Variants in GALNTL6 observed in about 807,000 individuals in gnomAD.
GALNTL6 encodes the protein polypeptide N-acetylgalactosaminyltransferase like 6.
In GALNTL6, 46 loss-of-function variants were observed where a neutral mutation model predicts 73.7. That is an observed-to-expected ratio of 0.62 (90% CI 0.49 to 0.80). The LOEUF (loss-of-function observed/expected upper bound fraction) is 0.80. Ranked by LOEUF, GALNTL6 falls within the 30% of genes least tolerant of loss-of-function variation. The probability of loss-of-function intolerance (pLI) is 0.00; values close to 1 mark genes in which losing one functional copy is unlikely to be tolerated. For synonymous variants in GALNTL6, 259 were observed against 263.7 expected (o/e 0.98, Z 0.17); for missense variants, 604 against 755.0 (o/e 0.80, Z 2.34).
intron 10 of GALNTL6, among the ~76,000 whole-genome samples, chr4:172,960,019 A>T (rs1402591410): frequency 6.6e-6 from 1 of 152,182 alleles, no homozygotes; most frequent in Non-Finnish European, 1.5e-5. Context: ...AGGTGAGGTT[A>T]ATTAAGTCCT....
chr4:172,491,613 T>C (rs967506010), intron 5 of GALNTL6, among the ~76,000 whole-genome samples: 1 of 152,044 alleles, frequency 6.6e-6, no homozygotes. Context: ...TAGACAAAAC[T>C]CATAAGCAAT....
At chr4:171,870,376 T>C (rs930359848) in intron 2 of GALNTL6, among the ~76,000 whole-genome samples, 1 of 152,186 alleles carries the variant, frequency 6.6e-6, no homozygotes, top group Non-Finnish European at 1.5e-5. Context: ...CAGACGTTGA[T>C]GTGGTAGATC....
chr4:172,309,517 C>T (rs903851955), intron 3 of GALNTL6, among the ~76,000 whole-genome samples: 2 of 151,932 alleles, frequency 1.3e-5, no homozygotes, highest in Admixed American at 1.3e-4. Flanking sequence ...TTATTAGACA[C>T]TCAAGCACAT....
intron 11 of GALNTL6, among the ~76,000 whole-genome samples, chr4:173,009,811 A>G (rs1390510185): frequency 6.6e-6 from 1 of 152,226 alleles, no homozygotes; most frequent in African/African-American, 2.4e-5. Flanking sequence ...CATGGACTTC[A>G]GGAAATACTT....
At chr4:172,841,685 G>A (rs1489497714) in intron 7 of GALNTL6, among the ~76,000 whole-genome samples, 1 of 152,034 alleles carries the variant, frequency 6.6e-6, no homozygotes, top group Admixed American at 6.6e-5. Flanking sequence ...AAACCGTTAG[G>A]TCTCATGAAA....
chr4:172,420,243 G>A (rs1236955046), intron 5 of GALNTL6, among the ~76,000 whole-genome samples: 1 of 152,140 alleles, frequency 6.6e-6, no homozygotes, highest in East Asian at 1.9e-4. Context: ...GATAACGAGG[G>A]TCATTTCAGC....
chr4:172,934,784 G>A (rs937813921), intron 9 of GALNTL6, among the ~76,000 whole-genome samples: 1 of 152,220 alleles, frequency 6.6e-6, no homozygotes, highest in Non-Finnish European at 1.5e-5. Context: ...AGAAGCGTGA[G>A]CAGCTCCTCA....
At chr4:171,975,872 T>A (rs1459204880) in intron 2 of GALNTL6, among the ~76,000 whole-genome samples, 1 of 152,134 alleles carries the variant, frequency 6.6e-6, no homozygotes, top group Non-Finnish European at 1.5e-5. Flanking sequence ...ACTAAAAAAA[T>A]TAATAAGTTG....
At chr4:171,899,569 A>G (rs1313715336) in intron 2 of GALNTL6, among the ~76,000 whole-genome samples, 1 of 152,194 alleles carries the variant, frequency 6.6e-6, no homozygotes, top group East Asian at 1.9e-4. Flanking sequence ...CCATTTTGAG[A>G]GAATATAACT....
chr4:171,832,449 C>T (rs1181411802), intron 2 of GALNTL6, among the ~76,000 whole-genome samples: 2 of 150,796 alleles, frequency 1.3e-5, no homozygotes, highest in Non-Finnish European at 3.0e-5. Flanking sequence ...ATTTTTCTTC[C>T]AGCACTAGTG....
chr4:172,352,874 T>C (rs1741988592), intron 5 of GALNTL6, among the ~76,000 whole-genome samples: 1 of 151,998 alleles, frequency 6.6e-6, no homozygotes, highest in African/African-American at 2.4e-5. Flanking sequence ...GAAAGATCTG[T>C]TATTCTCCAT....
chr4:172,947,859 A>C (rs1749248299), intron 9 of GALNTL6, among the ~76,000 whole-genome samples: 1 of 152,058 alleles, frequency 6.6e-6, no homozygotes, highest in African/African-American at 2.4e-5. Context: ...TGAGTATATG[A>C]TTTTCCTATT....
intron 3 of GALNTL6, among the ~76,000 whole-genome samples, chr4:172,294,640 A>C (rs1484022): frequency 0.96 from 146,125 of 151,978 alleles, 70,484 homozygotes; most frequent in Non-Finnish European, 1. Flanking sequence ...CAAAAAAAAA[A>C]CACTTTATCA....
intron 2 of GALNTL6, among the ~76,000 whole-genome samples, chr4:172,118,541 A>T (rs1733051027): frequency 6.6e-6 from 1 of 152,132 alleles, no homozygotes; most frequent in Admixed American, 6.5e-5. Flanking sequence ...CTCTACTAAA[A>T]ATACAAAAAT....
chr4:172,806,544 G>T (rs1638985601), intron 5 of GALNTL6, among the ~76,000 whole-genome samples: 1 of 152,176 alleles, frequency 6.6e-6, no homozygotes, highest in Non-Finnish European at 1.5e-5. Context: ...GACCTGGGAA[G>T]TTAGAATATT....
At chr4:172,552,739 T>A (rs1735998035) in intron 5 of GALNTL6, among the ~76,000 whole-genome samples, 1 of 151,114 alleles carries the variant, frequency 6.6e-6, no homozygotes, top group African/African-American at 2.4e-5. Flanking sequence ...AAAGCGTTTT[T>A]TTTTTTTAAT....
chr4:172,612,582 A>G (rs1298787002), intron 5 of GALNTL6, among the ~76,000 whole-genome samples: 1 of 152,048 alleles, frequency 6.6e-6, no homozygotes. Context: ...TTCCAGGGAA[A>G]TGGGTGTTCT....
chr4:172,323,173 A>G (rs1740817101), intron 4 of GALNTL6, among the ~76,000 whole-genome samples: 1 of 152,170 alleles, frequency 6.6e-6, no homozygotes, highest in South Asian at 2.1e-4. Flanking sequence ...TTAGGTTTCT[A>G]TAGAATAAGT....
rs1382888512 is a variant in GALNTL6, at chr4:172,111,153, CT to C, written c.139-118501del. Among the ~76,000 whole-genome samples the C allele has an allele frequency of 2.0e-5, 3 of 151,988 alleles. No homozygotes were observed. The East Asian group carries it at 5.8e-4, about 29-fold the overall frequency. ...AAAAGAAAATTTCCAAGTAAAATTA[CT>C]TAGGAGAACTCTGGAATAAAATAAA... On this transcript the variant is annotated intron_variant, in intron 2 of 12. Coordinates refer to ENST00000506823, the MANE Select transcript of GALNTL6 (RefSeq NM_001034845.3).
Sources: allele counts gnomAD v4.1 joint callset (sites outside exome capture counted in the v4.1 genomes callset), GRCh38; gene constraint gnomAD v4.1.1; transcripts MANE v1.5; gene names NCBI Gene and HGNC (gene_info 2026-07-23, HGNC 2026-07-21).